ZDHHC3: variants seen among roughly 807,000 people sequenced by gnomAD.
ZDHHC3 encodes zDHHC palmitoyltransferase 3.
In ZDHHC3, 9 loss-of-function variants were observed where a neutral mutation model predicts 30.6. That is an observed-to-expected ratio of 0.29 (90% CI 0.18 to 0.51). The LOEUF is 0.51. ZDHHC3 is among the 20% of genes least tolerant of loss of function. The pLI, the probability that ZDHHC3 is intolerant of heterozygous loss-of-function variation, is 0.97. For missense variants in ZDHHC3, 246 were observed against 384.2 expected, an observed-to-expected ratio of 0.64 and a Z score of 3.01; for synonymous variants, 136 against 140.2, an observed-to-expected ratio of 0.97 and a Z score of 0.21.
intron 2 of ZDHHC3, among the ~76,000 whole-genome samples, chr3:44,946,814 G>A (rs1289998252): frequency 6.6e-6 from 1 of 152,176 alleles, no homozygotes; most frequent in African/African-American, 2.4e-5. Flanking sequence ...CAGCGGGGAG[G>A]CCGGACCGAT....
chr3:44,920,658 T>C lies in ZDHHC3; in HGVS notation c.*6031A>G. The C allele has an allele frequency of 2.0e-6, 2 of 985,376 alleles. No individual in the cohort carries two copies. The highest frequency in any genetic ancestry group is 1.2e-6 in the Non-Finnish European group (1 of 829,928). 61.0% of individuals were successfully genotyped at this position (985,376 alleles called of 1,614,324 possible). A position where few individuals can be genotyped will look rare whatever the true frequency, so the allele number is the denominator to read the frequency against. The stretch of plus-strand genomic sequence containing the variant: ...AACAGGTTTCCAGTTCTACTGCAAA[T>C]CACCACTGTGCCCAGGCTGAGCTCA... On this transcript the variant is annotated 3_prime_UTR_variant, in exon 7 of 7. Transcript: ENST00000424952.
chr3:44,922,555 G>A lies in ZDHHC3; in HGVS notation c.*4134C>T. 3.0e-6 allele frequency: 3 copies of A among 985,416 alleles called. No individual in the cohort carries two copies. Among genetic ancestry groups the A allele is most frequent in the Non-Finnish European group, 3.6e-6 (3 of 829,932 alleles). 61.0% of individuals were successfully genotyped at this position (985,416 alleles called of 1,614,324 possible). On this transcript the variant is annotated 3_prime_UTR_variant, in exon 7 of 7. Coordinates refer to ENST00000424952, the MANE Select transcript of ZDHHC3 (RefSeq NM_001135179.2). ...TTCTCCGCGGAGGGAACACGTGCCT[G>A]TCTCACAATCAGCACACCCCAACTG...
At chr3:44,950,509 G>C (rs1397377907) in intron 2 of ZDHHC3, among the ~76,000 whole-genome samples, 1 of 152,104 alleles carries the variant, frequency 6.6e-6, no homozygotes, top group Non-Finnish European at 1.5e-5. Flanking sequence ...CAGCAGCTCA[G>C]CCTTTCTAAA....
chr3:44,967,759 T>C lies in ZDHHC3; in HGVS notation c.-25+8174A>G, dbSNP rs200391332. On this transcript the variant is annotated intron_variant, in intron 1 of 6. Coordinates refer to ENST00000424952, the MANE Select transcript of ZDHHC3 (RefSeq NM_001135179.2). ...ATCAGAATTTTAGAGCTGGGAGAAA[T>C]ATTAAAGACCATGTGGTAGATTTTA... Among the ~76,000 whole-genome samples, 5 of 152,110 alleles carry C rather than the reference T, an allele frequency of 3.3e-5. No homozygotes were observed. The East Asian group carries it at 9.6e-4, about 29-fold the overall frequency.
In ZDHHC3 at chr3:44,917,583, T is replaced by C; in HGVS notation, c.*9106A>G. 3.9e-6 allele frequency: 1 copy of C among 257,200 alleles called. No individual in the cohort carries two copies. Among genetic ancestry groups the C allele is most frequent in the Non-Finnish European group, 7.7e-6 (1 of 130,074 alleles). 15.9% of individuals were successfully genotyped at this position (257,200 alleles called of 1,614,324 possible). Reference sequence around the variant, plus strand: ...GGATGCCCTGTTCAAAAGCTCCCTTTGCTGGGCGGAGAATGTGAAAGCCAC... The same window carrying C: ...GGATGCCCTGTTCAAAAGCTCCCTTCGCTGGGCGGAGAATGTGAAAGCCAC... On this transcript the variant is annotated 3_prime_UTR_variant, in exon 7 of 7. Transcript: ENST00000424952.
rs1700914876 is a variant in ZDHHC3 at position 44,925,586 on chromosome 3, G to A, written c.*1103C>T. On this transcript the variant is annotated 3_prime_UTR_variant, in exon 7 of 7. Transcript: ENST00000424952. ...GTCTGTGGATTCTGGCCAATGGGAT[G>A]GCCATATGTCAACTTTGAAAGGGTG... 1 of 985,430 alleles carries A rather than the reference G, an allele frequency of 1.0e-6. No individual in the cohort carries two copies. The allele number at this position is 985,430 out of a possible 1,614,324, so 61.0% of individuals were successfully genotyped here.
intron 1 of ZDHHC3, among the ~76,000 whole-genome samples, chr3:44,972,677 C>T (rs1362017739): frequency 6.6e-6 from 1 of 152,154 alleles, no homozygotes. Context: ...TATAGGCTGG[C>T]CTCTCTTCTA....
chr3:44,945,657 A>G (rs1246145221), intron 2 of ZDHHC3, among the ~76,000 whole-genome samples: 1 of 151,874 alleles, frequency 6.6e-6, no homozygotes, highest in Non-Finnish European at 1.5e-5. Context: ...TCCTGGGTTC[A>G]AGCGATTTTC....
intron 3 of ZDHHC3, among the ~76,000 whole-genome samples, chr3:44,941,586 G>A (rs1410491998): frequency 2.6e-5 from 4 of 152,074 alleles, no homozygotes; most frequent in African/African-American, 9.7e-5. Flanking sequence ...CCTCAGTGTG[G>A]GTGTCTGGGG....
intron 6 of ZDHHC3, among the ~76,000 whole-genome samples, chr3:44,927,698 C>T (rs1701117891): frequency 6.6e-6 from 1 of 152,350 alleles, no homozygotes; most frequent in South Asian, 2.1e-4. Flanking sequence ...AGAGCTGCTT[C>T]CTCCCTCTCT....
intron 1 of ZDHHC3, among the ~76,000 whole-genome samples, 175 bp downstream of exon 1, chr3:44,975,758 T>TCA (rs1670870372): frequency 7.0e-6 from 1 of 141,988 alleles, no homozygotes; most frequent in Non-Finnish European, 1.5e-5. Context: ...TCTCTCTCTC[T>TCA]CTCTCTCTCT....
At chr3:44,951,894 C>T (rs1041519372) in intron 2 of ZDHHC3, among the ~76,000 whole-genome samples, 1 of 152,200 alleles carries the variant, frequency 6.6e-6, no homozygotes, top group Non-Finnish European at 1.5e-5. Flanking sequence ...CTCTCCCCTC[C>T]TCTTGGAATC....
Position 44,917,284 on chromosome 3 carries a change from C to A in ZDHHC3, c.*9405G>T. On this transcript the variant is annotated 3_prime_UTR_variant, in exon 7 of 7. Coordinates refer to ENST00000424952, the MANE Select transcript of ZDHHC3 (RefSeq NM_001135179.2). ...ATGCAGGGTCCTCTTTGAACCATGC[C>A]TGGCCCTTGCAGGTAGATGTGGCAG... 6.2e-6 allele frequency: 1 copy of A among 161,492 alleles called. No homozygotes were observed. Among genetic ancestry groups the A allele is most frequent in the Admixed American group, 5.6e-5 (1 of 17,776 alleles). The allele number at this position is 161,492 out of a possible 1,614,324, so 10.0% of individuals were successfully genotyped here.
intron 5 of ZDHHC3, among the ~76,000 whole-genome samples, chr3:44,932,660 C>CCATCA (rs1265223698): frequency 5.9e-5 from 9 of 152,164 alleles, no homozygotes; most frequent in Admixed American, 5.9e-4. Flanking sequence ...TTAAAAAACA[C>CCATCA]CATCACAAAA....
rs1700870685 is a variant in ZDHHC3 at position 44,925,003 on chromosome 3, G to A, written c.*1686C>T. 1 of 985,404 alleles carries A rather than the reference G, an allele frequency of 1.0e-6. No homozygotes were observed. Among genetic ancestry groups the A allele is most frequent in the Non-Finnish European group, 1.2e-6 (1 of 829,944 alleles). The allele number at this position is 985,404 out of a possible 1,614,324, so 61.0% of individuals were successfully genotyped here. On this transcript the variant is annotated 3_prime_UTR_variant, in exon 7 of 7. Transcript: ENST00000424952. ...GGAAAGAGGCCTGGTGGGGCAAGCT[G>A]GTTCAAGAGAGGGACCATAAATGCA...
At chr3:44,935,820 G>A (rs1350656668) in intron 3 of ZDHHC3, among the ~76,000 whole-genome samples, 3 of 152,138 alleles carry the variant, frequency 2.0e-5, no homozygotes, top group Non-Finnish European at 2.9e-5. Flanking sequence ...ATATGCAGAA[G>A]GTTGATGCTG....
chr3:44,948,021 T>C (rs1703099273), intron 2 of ZDHHC3, among the ~76,000 whole-genome samples: 2 of 152,288 alleles, frequency 1.3e-5, no homozygotes, highest in South Asian at 4.1e-4. Flanking sequence ...CACTCTTCCC[T>C]CCATGACCCC....
rs1247865582 is a variant in ZDHHC3, at chr3:44,925,689, A to G, written c.*1000T>C. 2.0e-6 allele frequency: 2 copies of G among 985,342 alleles called. No homozygotes were observed. Among genetic ancestry groups the G allele is most frequent in the African/African-American group, 1.7e-5 (1 of 57,224 alleles). The allele number at this position is 985,342 out of a possible 1,614,324, so 61.0% of individuals were successfully genotyped here. ...TCTCCCAGGTTAAAATATAGATAAG[A>G]CACAGGTACGTGCACATTTATGGGG... On this transcript the variant is annotated 3_prime_UTR_variant, in exon 7 of 7. Coordinates refer to ENST00000424952, the MANE Select transcript of ZDHHC3 (RefSeq NM_001135179.2).
chr3:44,945,218 G>A lies in ZDHHC3; in HGVS notation c.381C>T (p.Tyr127=). The A allele has an allele frequency of 6.2e-7, 1 of 1,614,158 alleles. No homozygotes were observed. Among genetic ancestry groups the A allele is most frequent in the Non-Finnish European group, 8.5e-7 (1 of 1,180,034 alleles). Residue 127 remains tyrosine (Y), a synonymous_variant, in exon 3 of 7, where the codon TAC becomes TAT. Coordinates refer to ENST00000424952, the MANE Select transcript of ZDHHC3 (RefSeq NM_001135179.2). The part of the protein sequence containing the change: ...SLQLKPGQVV[Y]KCPKCCSIKP... ...TGATGCTGCAGCATTTGGGGCACTT[G>A]TACACCACCTGCCCAGGCTTCAACT...
Sources: gnomAD v4.1 joint callset for allele counts (sites outside exome capture counted in the v4.1 genomes callset) on GRCh38, gnomAD v4.1.1 for gene constraint, MANE v1.5 for transcripts, NCBI Gene and HGNC (gene_info 2026-07-23, HGNC 2026-07-21) for gene names.